Variants in L3MBTL1 observed in about 807,000 individuals in gnomAD.
The protein encoded by L3MBTL1 is L3MBTL histone methyl-lysine binding protein 1.
L3MBTL1 carries 75 observed loss-of-function variants against 105.3 expected under a neutral mutation model. The observed-to-expected ratio is 0.71, with a 90% confidence interval of 0.59 to 0.86. L3MBTL1 has a LOEUF of 0.86. Among genes scored for constraint, L3MBTL1 ranks in the 40% least tolerant of loss-of-function variants. The pLI is 0.00. For synonymous variants in L3MBTL1, 452 were observed against 436.2 expected (o/e 1.04, Z -0.45); for missense variants, 1,069 against 1,126.4 (o/e 0.95, Z 0.73).
At chr20:43,545,813 T>G (rs1438933085), downstream of L3MBTL1, among the ~76,000 whole-genome samples, 2 of 152,136 alleles carry the variant, frequency 1.3e-5, no homozygotes, top group Admixed American at 1.3e-4. Context: ...GCCTCCTTGG[T>G]TAGTGAATTG....
At chr20:43,534,615 C>T (rs2019511359) in intron 15 of L3MBTL1, 8 of 608,514 alleles carry the variant, frequency 1.3e-5, no homozygotes. Flanking sequence ...AATCCTCGTC[C>T]CACCTAAGGA....
chr20:43,526,869 C>A (rs1479932596), intron 7 of L3MBTL1, among the ~76,000 whole-genome samples: 1 of 152,154 alleles, frequency 6.6e-6, no homozygotes. Flanking sequence ...ATCGCTTGAA[C>A]CTGGGAGGCA....
intron 19 of L3MBTL1, chr20:43,538,855 G>A (rs1318293823): frequency 6.6e-6 from 1 of 152,276 alleles, no homozygotes; most frequent in African/African-American, 2.4e-5. Flanking sequence ...GTTTCAGAGA[G>A]GGAGTACCTG....
intron 11 of L3MBTL1, chr20:43,531,922 C>T (rs1386991473): frequency 1.3e-5 from 2 of 152,142 alleles, no homozygotes; most frequent in African/African-American, 4.8e-5. Context: ...GTCCTAGATA[C>T]CACAGTAGCT....
chr20:43,545,609 T>G (rs1381841553), downstream of L3MBTL1, among the ~76,000 whole-genome samples: 1 of 152,120 alleles, frequency 6.6e-6, no homozygotes, highest in Non-Finnish European at 1.5e-5. Context: ...GCAGACTCCT[T>G]GAGAAAGGGG....
At chr20:43,513,162 C>G (rs1056137728) in intron 1 of L3MBTL1, among the ~76,000 whole-genome samples, 2 of 152,192 alleles carry the variant, frequency 1.3e-5, no homozygotes, top group Non-Finnish European at 2.9e-5. Context: ...CCACACAGAA[C>G]CTTGACCTGA....
At chr20:43,522,727 C>T (rs1225100317) in intron 7 of L3MBTL1, among the ~76,000 whole-genome samples, 4 of 151,070 alleles carry the variant, frequency 2.6e-5, no homozygotes, top group South Asian at 2.1e-4. Context: ...CCGCCTTGGC[C>T]TCCCAAAGTG....
At chr20:43,530,216 G>A in intron 9 of L3MBTL1, 68 bp from the exon 10 acceptor site, 1 of 1,601,396 alleles carries the variant, frequency 6.2e-7, no homozygotes, top group South Asian at 1.1e-5. Flanking sequence ...TGGGCCAGGA[G>A]AGGTGAGGCA....
At chr20:43,517,230 CT>C (rs1240900994) in intron 7 of L3MBTL1, among the ~76,000 whole-genome samples, 1 of 151,866 alleles carries the variant, frequency 6.6e-6, no homozygotes, top group East Asian at 1.9e-4. Context: ...TCCTGAGTAG[CT>C]GGGACTACAG....
chr20:43,529,410 A>C (rs768650853), intron 9 of L3MBTL1, 42 bp downstream of exon 9: 1 of 1,364,160 alleles, frequency 7.3e-7, no homozygotes, highest in African/African-American at 1.4e-5. Context: ...GATGTCTCTC[A>C]GTGCAGATTG....
intron 7 of L3MBTL1, among the ~76,000 whole-genome samples, chr20:43,516,441 T>C (rs747249768): frequency 6.6e-6 from 1 of 152,206 alleles, no homozygotes; most frequent in Non-Finnish European, 1.5e-5. Flanking sequence ...AGGGAGATCT[T>C]GGCTCAATTT....
At chr20:43,514,830 G>C in intron 4 of L3MBTL1, 54 bp downstream of exon 4, 1 of 1,491,180 alleles carries the variant, frequency 6.7e-7, no homozygotes, top group Non-Finnish European at 9.0e-7. Context: ...GTGGGGCGAG[G>C]CCTGAGCCCC....
chr20:43,528,561 T>G, intron 7 of L3MBTL1, 96 bp from the exon 8 acceptor site: 2 of 857,516 alleles, frequency 2.3e-6, no homozygotes, highest in Non-Finnish European at 3.9e-6. Context: ...CAAAGATTTG[T>G]TTTGGGGGTG....
At chr20:43,550,112 A>T (rs1978887511) in exon 19 of L3MBTL1, 1 of 152,116 alleles carries the variant, frequency 6.6e-6, no homozygotes, top group Non-Finnish European at 1.5e-5. Flanking sequence ...CTTGGCCAAG[A>T]GTAAAGAAGA....
chr20:43,550,513 A>AC (rs1233664080), exon 19 of L3MBTL1: 1 of 151,754 alleles, frequency 6.6e-6, no homozygotes, highest in African/African-American at 2.4e-5. Flanking sequence ...CTGCCCCTTT[A>AC]CCCCCACTCT....
chr20:43,540,142 GC>G lies in L3MBTL1; in HGVS notation c.2174-8del, dbSNP rs1266299560. 7 of 1,610,464 alleles carry G rather than the reference GC, an allele frequency of 4.3e-6. No homozygotes were observed. Among genetic ancestry groups the G allele is most frequent in the Non-Finnish European group, 5.1e-6 (6 of 1,179,994 alleles). The stretch of plus-strand genomic sequence containing the variant: ...CGTTGGCCTGCCAGCCTCTGCCTCT[GC>G]TTTCCAGCCCTCACGCCCGATGTCG... On this transcript the variant is annotated splice_region_variant and splice_polypyrimidine_tract_variant and intron_variant, in intron 19 of 21. Transcript: ENST00000418998.
At chr20:43,539,776 G>T in intron 19 of L3MBTL1, 1 of 336,442 alleles carries the variant, frequency 3.0e-6, no homozygotes, top group Non-Finnish European at 5.8e-6. Flanking sequence ...TGACATCAAG[G>T]CTGAGCTTGT....
chr20:43,516,059 GAGA>G (rs1568918639), intron 6 of L3MBTL1, 31 bp from the exon 7 acceptor site: 1 of 1,533,920 alleles, frequency 6.5e-7, no homozygotes, highest in Non-Finnish European at 9.0e-7. Flanking sequence ...AAACCATGAG[GAGA>G]AGAAGCTGGG....
At chr20:43,548,227 T>C (rs1043705821) in exon 19 of L3MBTL1, 2 of 1,304,144 alleles carry the variant, frequency 1.5e-6, no homozygotes, top group African/African-American at 1.5e-5. Context: ...TCAAAAACGC[T>C]GATGACACCT....
Sources: allele counts gnomAD v4.1 joint callset (sites outside exome capture counted in the v4.1 genomes callset), GRCh38; gene constraint gnomAD v4.1.1; transcripts MANE v1.5; gene names NCBI Gene and HGNC (gene_info 2026-07-23, HGNC 2026-07-21).